Variants in CNTNAP2 observed in about 807,000 individuals in gnomAD.
CNTNAP2 encodes the protein contactin associated protein 2.
A neutral mutation model predicts 155.2 loss-of-function variants in CNTNAP2; 98 were observed. That is an observed-to-expected ratio of 0.63 (90% confidence interval 0.54 to 0.75). CNTNAP2 has a LOEUF of 0.75. CNTNAP2 is among the 30% of genes least tolerant of loss of function. CNTNAP2 has a pLI of 0.00. For synonymous variants in CNTNAP2, 651 were observed against 631.2 expected, an observed-to-expected ratio of 1.03 and a Z score of -0.47; for missense variants, 1,727 against 1,688.1, an observed-to-expected ratio of 1.02 and a Z score of -0.40.
intron 11 of CNTNAP2, among the ~76,000 whole-genome samples, chr7:147,507,149 C>G (rs1284584043): frequency 2.6e-5 from 4 of 152,136 alleles, no homozygotes; most frequent in Admixed American, 6.5e-5. Context: ...CACACTCTCT[C>G]CCCGCTCTGC....
intron 9 of CNTNAP2, among the ~76,000 whole-genome samples, chr7:147,326,127 T>C (rs556921197): frequency 2.0e-5 from 3 of 152,328 alleles, no homozygotes; most frequent in African/African-American, 4.8e-5. Context: ...GGTTTCACCG[T>C]GTTAGCCAGG....
chr7:147,112,920 T>C (rs142435024), intron 5 of CNTNAP2, among the ~76,000 whole-genome samples: 1 of 152,002 alleles, frequency 6.6e-6, no homozygotes, highest in Non-Finnish European at 1.5e-5. Flanking sequence ...TAGAGAGGAG[T>C]CCTTCCTTTT....
At chr7:146,658,626 A>G (rs1295436788) in intron 1 of CNTNAP2, among the ~76,000 whole-genome samples, 1 of 152,192 alleles carries the variant, frequency 6.6e-6, no homozygotes, top group African/African-American at 2.4e-5. Flanking sequence ...GGAAGTATGT[A>G]GTCTAAAGCA....
intron 14 of CNTNAP2, among the ~76,000 whole-genome samples, chr7:147,904,483 T>C (rs1799925622): frequency 6.6e-6 from 1 of 152,192 alleles, no homozygotes. Context: ...GCCGGCTTTC[T>C]ACATTTTTAG....
intron 23 of CNTNAP2, among the ~76,000 whole-genome samples, chr7:148,413,930 A>G (rs1799914028): frequency 6.6e-6 from 1 of 151,846 alleles, no homozygotes; most frequent in Non-Finnish European, 1.5e-5. Flanking sequence ...GTTGACCTGT[A>G]TTTAAAGTTC....
chr7:146,940,840 G>GAA (rs565717661), intron 3 of CNTNAP2, among the ~76,000 whole-genome samples: 21 of 150,906 alleles, frequency 1.4e-4, no homozygotes, highest in African/African-American at 5.1e-4. Flanking sequence ...TAGAGAGAAA[G>GAA]AGAGAGAAAG....
intron 16 of CNTNAP2, among the ~76,000 whole-genome samples, chr7:148,136,714 T>C (rs73744754): frequency 0.048 from 7,304 of 152,182 alleles, 583 homozygotes; most frequent in African/African-American, 0.17. Flanking sequence ...AGGCTGGAGA[T>C]GAGTTTAACC....
At chr7:146,877,127 T>C (rs959537904) in intron 3 of CNTNAP2, among the ~76,000 whole-genome samples, 1 of 152,014 alleles carries the variant, frequency 6.6e-6, no homozygotes, top group Non-Finnish European at 1.5e-5. Flanking sequence ...AAGCAAGAAA[T>C]AACAAAAGCA....
intron 1 of CNTNAP2, among the ~76,000 whole-genome samples, chr7:146,447,399 G>A (rs1563087252): frequency 6.6e-6 from 1 of 151,974 alleles, no homozygotes; most frequent in Non-Finnish European, 1.5e-5. Flanking sequence ...GCCAAATTAT[G>A]AGTGACCCTT....
intron 18 of CNTNAP2, among the ~76,000 whole-genome samples, chr7:148,186,019 T>C (rs1795110190): frequency 6.6e-6 from 1 of 152,228 alleles, no homozygotes; most frequent in Non-Finnish European, 1.5e-5. Context: ...CTTTTATTTC[T>C]GTTACTATAA....
At chr7:147,757,529 C>T (rs927493901) in intron 13 of CNTNAP2, among the ~76,000 whole-genome samples, 1 of 152,034 alleles carries the variant, frequency 6.6e-6, no homozygotes, top group African/African-American at 2.4e-5. Context: ...TTGACTTGTA[C>T]CTTAATTTCC....
At chr7:147,881,971 A>G (rs906057587) in intron 13 of CNTNAP2, among the ~76,000 whole-genome samples, 19 of 151,928 alleles carry the variant, frequency 1.3e-4, no homozygotes, top group African/African-American at 4.1e-4. Flanking sequence ...GACTTCATCC[A>G]CCCCTCATCC....
chr7:147,643,399 G>A (rs1021134386), intron 13 of CNTNAP2: 1 of 152,136 alleles, frequency 6.6e-6, no homozygotes, highest in Non-Finnish European at 1.5e-5. Context: ...CTACTAATCT[G>A]CAGAATAGCT....
chr7:146,814,962 A>T (rs1368425834), intron 2 of CNTNAP2, among the ~76,000 whole-genome samples: 1 of 152,332 alleles, frequency 6.6e-6, no homozygotes, highest in Middle Eastern at 3.4e-3. Flanking sequence ...AAGAAAATTT[A>T]TGAATAATAG....
intron 14 of CNTNAP2, among the ~76,000 whole-genome samples, chr7:147,949,459 T>TATATATATATATATA (rs1554453475): frequency 3.2e-4 from 42 of 129,790 alleles, no homozygotes; most frequent in East Asian, 4.6e-4. Flanking sequence ...TATATATATA[T>TATATATATATATATA]TTTTTTTTTT....
chr7:146,814,427 T>C (rs1234014375), intron 2 of CNTNAP2, among the ~76,000 whole-genome samples: 1 of 151,966 alleles, frequency 6.6e-6, no homozygotes, highest in African/African-American at 2.4e-5. Context: ...ATTAAGTTAA[T>C]GGAAAAAATG....
intron 1 of CNTNAP2, among the ~76,000 whole-genome samples, chr7:146,469,024 A>C (rs1330362417): frequency 1.3e-5 from 2 of 152,240 alleles, no homozygotes; most frequent in Non-Finnish European, 2.9e-5. Context: ...TCAGATTCTA[A>C]AGGCAATAAA....
chr7:147,729,213 G>A (rs1051819321), intron 13 of CNTNAP2, among the ~76,000 whole-genome samples: 5 of 151,722 alleles, frequency 3.3e-5, no homozygotes, highest in African/African-American at 1.2e-4. Context: ...TGGGATGACA[G>A]TTGTAAGCCA....
intron 8 of CNTNAP2, among the ~76,000 whole-genome samples, chr7:147,189,068 T>C (rs1802626964): frequency 6.6e-6 from 1 of 152,202 alleles, no homozygotes; most frequent in Non-Finnish European, 1.5e-5. Flanking sequence ...TGACAACTTG[T>C]CAGGCACCTA....
Sources: allele counts gnomAD v4.1 joint callset (sites outside exome capture counted in the v4.1 genomes callset), GRCh38; gene constraint gnomAD v4.1.1; transcripts MANE v1.5; gene names NCBI Gene and HGNC (gene_info 2026-07-23, HGNC 2026-07-21).